Variants in KIZ observed in about 807,000 individuals in gnomAD.
KIZ encodes kizuna centrosomal protein.
In KIZ, 68 loss-of-function variants were observed where a neutral mutation model predicts 79.6. The observed-to-expected ratio is 0.85, with a 90% confidence interval of 0.70 to 1.05. The LOEUF (loss-of-function observed/expected upper bound fraction) is 1.05. Ranked by LOEUF, KIZ falls within the 50% of genes least tolerant of loss-of-function variation. The probability of loss-of-function intolerance (pLI) is 0.00; values close to 1 mark genes in which losing one functional copy is unlikely to be tolerated. For missense variants in KIZ, 797 were observed against 800.4 expected (o/e 1.00, Z 0.05); for synonymous variants, 280 against 281.8 (o/e 0.99, Z 0.06).
chr20:21,223,553 C>T (rs2036565657), intron 9 of KIZ, among the ~76,000 whole-genome samples: 1 of 151,834 alleles, frequency 6.6e-6, no homozygotes, highest in African/African-American at 2.4e-5. Flanking sequence ...GGTTACGGAC[C>T]CAAACTTGTG....
intron 11 of KIZ, among the ~76,000 whole-genome samples, chr20:21,242,431 G>C (rs889587576): frequency 1.3e-5 from 2 of 152,208 alleles, no homozygotes; most frequent in Non-Finnish European, 2.9e-5. Flanking sequence ...TAGGGGACAA[G>C]ATGAGTGTGT....
intron 2 of KIZ, among the ~76,000 whole-genome samples, chr20:21,133,659 A>G (rs1325713658): frequency 2.6e-5 from 4 of 152,266 alleles, no homozygotes; most frequent in Non-Finnish European, 5.9e-5. Context: ...AGAAAATCCA[A>G]ACAAGGCTGC....
intron 6 of KIZ, chr20:21,198,609 T>A (rs6137285): frequency 0.43 from 65,155 of 152,360 alleles, 16,004 homozygotes; most frequent in African/African-American, 0.69. Flanking sequence ...TACAGGATTC[T>A]GCTTAAATCT....
chr20:21,143,039 A>C (rs1403541434), intron 3 of KIZ, among the ~76,000 whole-genome samples: 1 of 152,274 alleles, frequency 6.6e-6, no homozygotes, highest in Non-Finnish European at 1.5e-5. Context: ...AATATGCATT[A>C]GTTGAACAAA....
chr20:21,191,373 T>C (rs1405442850), intron 6 of KIZ, among the ~76,000 whole-genome samples: 1 of 152,214 alleles, frequency 6.6e-6, no homozygotes, highest in Non-Finnish European at 1.5e-5. Context: ...TGCTTATAAA[T>C]AAATATTGCC....
intron 2 of KIZ, among the ~76,000 whole-genome samples, chr20:21,135,667 GGGAAGAAGAGTTAGGAT>G (rs2032144894): frequency 6.6e-6 from 1 of 152,180 alleles, no homozygotes; most frequent in Non-Finnish European, 1.5e-5. Context: ...CTGTATAACA[GGGAAGAAGAGTTAGGAT>G]TAACAGCGTT....
At chr20:21,162,748 G>T (rs963819240) in intron 5 of KIZ, 102 bp from the exon 6 acceptor site, 20 of 935,216 alleles carry the variant, frequency 2.1e-5, no homozygotes. Context: ...TTGTGTGTGG[G>T]TTGCTTCTCC....
chr20:21,218,254 C>G (rs1029102991), intron 9 of KIZ: 4 of 152,048 alleles, frequency 2.6e-5, no homozygotes, highest in Non-Finnish European at 4.4e-5. Flanking sequence ...CTGAAGTACT[C>G]CTGAAGATCT....
At chr20:21,216,760 A>G (rs2036310442) in intron 9 of KIZ, among the ~76,000 whole-genome samples, 2 of 152,202 alleles carry the variant, frequency 1.3e-5, no homozygotes, top group Admixed American at 1.3e-4. Flanking sequence ...TTGGATGCAG[A>G]AGTATCTAAT....
chr20:21,126,304 G>A (rs887945850), intron 1 of KIZ, 100 bp downstream of exon 1: 5 of 827,394 alleles, frequency 6.0e-6, no homozygotes, highest in Non-Finnish European at 8.6e-6. Flanking sequence ...GAGGTTCCCC[G>A]GGGCCCAGGC....
At chr20:21,206,348 C>T (rs766672288) in intron 7 of KIZ, among the ~76,000 whole-genome samples, 1 of 152,084 alleles carries the variant, frequency 6.6e-6, no homozygotes, top group East Asian at 1.9e-4. Flanking sequence ...AAAATGTGGG[C>T]TTTCAGGAAA....
rs144321833 is a variant in KIZ at position 21,165,797 on chromosome 20, A to G, written c.1352+2638A>G. Among the ~76,000 whole-genome samples, 251 of 152,348 alleles carry G rather than the reference A, an allele frequency of 1.6e-3. 1 individual carries two copies. The highest frequency in any genetic ancestry group is 6.0e-3 in the African/African-American group (248 of 41,604). On this transcript the variant is annotated intron_variant, in intron 6 of 12. Transcript: ENST00000619189. Reference sequence around the variant, plus strand: ...CAGCTAGTCAAATGAAAATTATCCAAGGTGGACCTGACCTAATCAGATGAG... The same window carrying G: ...CAGCTAGTCAAATGAAAATTATCCAGGGTGGACCTGACCTAATCAGATGAG...
chr20:21,165,532 T>G (rs1251197262), intron 6 of KIZ, among the ~76,000 whole-genome samples: 1 of 152,182 alleles, frequency 6.6e-6, no homozygotes. Flanking sequence ...AGAAGGACAG[T>G]GTGATGAGGC....
At chr20:21,148,430 G>A (rs1339787398) in intron 4 of KIZ, among the ~76,000 whole-genome samples, 1 of 151,988 alleles carries the variant, frequency 6.6e-6, no homozygotes, top group Non-Finnish European at 1.5e-5. Context: ...CGCTTAGAAG[G>A]ATTAATAGTT....
In KIZ at chr20:21,131,610, T is replaced by G. The variant is rs1007272885; in HGVS notation, c.90-487T>G. Among the ~76,000 whole-genome samples the G allele has an allele frequency of 2.0e-5, 3 of 152,184 alleles. No homozygotes were observed. In the South Asian group the frequency reaches 6.2e-4, roughly 32 times the overall value. Reference sequence around the variant, plus strand: ...CTCAGAGAAGTCTGGCCACGTTACATTTTATATACTTATCTTGTTTATTAT... The same window carrying G: ...CTCAGAGAAGTCTGGCCACGTTACAGTTTATATACTTATCTTGTTTATTAT... On this transcript the variant is annotated intron_variant, in intron 1 of 12. Coordinates refer to ENST00000619189, the MANE Select transcript of KIZ (RefSeq NM_018474.6).
intron 6 of KIZ, chr20:21,166,143 T>C: frequency 1.0e-6 from 1 of 963,730 alleles, no homozygotes; most frequent in Non-Finnish European, 1.5e-6. Context: ...ATTTTTGTAT[T>C]TTGTATTTTT....
chr20:21,204,922 C>T lies in KIZ; in HGVS notation c.1353-569C>T, dbSNP rs570044773. On this transcript the variant is annotated intron_variant, in intron 6 of 12. Coordinates refer to ENST00000619189, the MANE Select transcript of KIZ (RefSeq NM_018474.6). The stretch of plus-strand genomic sequence containing the variant: ...CTCTTCACTACATGTGGGAGACTGA[C>T]CATCTATGCAGTGATTCAAAACCAT... 1.3e-4 allele frequency among the ~76,000 whole-genome samples: 20 copies of T among 152,242 alleles called. No individual in the cohort carries two copies. The South Asian group carries it at 3.5e-3, about 27-fold the overall frequency.
intron 6 of KIZ, among the ~76,000 whole-genome samples, chr20:21,170,477 T>G (rs6047287): frequency 6.6e-6 from 1 of 151,196 alleles, no homozygotes; most frequent in Non-Finnish European, 1.5e-5. Context: ...CAAGCTCCCC[T>G]TCCTGGGTTC....
At chr20:21,236,663 T>G (rs932371512) in intron 11 of KIZ, among the ~76,000 whole-genome samples, 4 of 152,110 alleles carry the variant, frequency 2.6e-5, no homozygotes, top group African/African-American at 9.7e-5. Flanking sequence ...TGGGTATATT[T>G]GTTAATGGGC....
Sources: allele counts gnomAD v4.1 joint callset (sites outside exome capture counted in the v4.1 genomes callset), GRCh38; gene constraint gnomAD v4.1.1; transcripts MANE v1.5; gene names NCBI Gene and HGNC (gene_info 2026-07-23, HGNC 2026-07-21).